The following DNAH3 variants were observed in gnomAD, a reference collection of about 807,000 sequenced individuals.
The protein encoded by DNAH3 is dynein axonemal heavy chain 3.
In DNAH3, 332 loss-of-function variants were observed where a neutral mutation model predicts 432.5. That is an observed-to-expected ratio of 0.77 (90% confidence interval 0.70 to 0.84). The LOEUF is 0.84. Ranked by LOEUF, DNAH3 falls within the 40% of genes least tolerant of loss-of-function variation. The pLI is 0.00. For missense variants in DNAH3, 4,861 were observed against 5,114.0 expected (o/e 0.95, Z 1.51); for synonymous variants, 1,956 against 1,900.2 (o/e 1.03, Z -0.76).
In DNAH3 at chr16:21,015,760, G is replaced by T. The variant is rs1011368250; in HGVS notation, c.6022+3864C>A. The stretch of plus-strand genomic sequence containing the variant: ...TTAAAGGAGAAGAAAGTTAAAATGC[G>T]ATATGATTTTCATATTTCAAATTGC... On this transcript the variant is annotated intron_variant, in intron 41 of 61. Coordinates refer to ENST00000261383, the Ensembl canonical transcript of DNAH3. Among the ~76,000 whole-genome samples the T allele has an allele frequency of 5.3e-5, 8 of 152,156 alleles. 1 individual carries two copies. The highest frequency in any genetic ancestry group is 3.4e-3 in the Middle Eastern group (1 of 294).
intron 36 of DNAH3, among the ~76,000 whole-genome samples, chr16:21,032,229 G>C (rs2088918647): frequency 6.6e-6 from 1 of 152,132 alleles, no homozygotes; most frequent in Non-Finnish European, 1.5e-5. Flanking sequence ...CCTTGGCTTT[G>C]ATTTGAAATG....
At position 20,948,633 on chromosome 16, in the gene DNAH3, T is replaced by C. The variant is rs768159848; in HGVS notation, c.11193A>G (p.Glu3731=). The C allele has an allele frequency of 2.5e-6, 4 of 1,613,574 alleles. No individual in the cohort carries two copies. The Admixed American group carries it at 5.0e-5, about 20-fold the overall frequency. The change falls in exon 57 of 62, where the codon GAA becomes GAG. Residue 3731 remains glutamate (E), a synonymous_variant. Coordinates refer to ENST00000261383, the Ensembl canonical transcript of DNAH3. Reference sequence around the variant, plus strand: ...CAGTCACTCTGCCTCCGTAATTACATTCCCCTGGGGACAACCAACAGAAGG... The same window carrying C: ...CAGTCACTCTGCCTCCGTAATTACACTCCCCTGGGGACAACCAACAGAAGG...
intron 41 of DNAH3, among the ~76,000 whole-genome samples, chr16:21,015,068 T>C (rs2087794267): frequency 1.3e-5 from 2 of 152,220 alleles, no homozygotes; most frequent in Admixed American, 1.3e-4. Flanking sequence ...CATGTCTATG[T>C]GTTTACTAAA....
chr16:21,015,733 T>G (rs1053011531), intron 41 of DNAH3, among the ~76,000 whole-genome samples: 6 of 152,192 alleles, frequency 3.9e-5, no homozygotes, highest in Non-Finnish European at 8.8e-5. Flanking sequence ...TTAAAACTTT[T>G]TTTAAAGGAG....
chr16:21,112,146 C>A, intron 12 of DNAH3, 48 bp from the exon 13 acceptor site: 1 of 1,291,182 alleles, frequency 7.7e-7, no homozygotes. Context: ...ATAAGTCAAC[C>A]AAATCAGATG....
At chr16:21,099,374 T>C (rs886228357) in intron 16 of DNAH3, among the ~76,000 whole-genome samples, 6 of 152,182 alleles carry the variant, frequency 3.9e-5, no homozygotes, top group Admixed American at 2.6e-4. Context: ...TAATAAATGC[T>C]CTGAAGAAAA....
chr16:21,046,002 T>C (rs1317669724), intron 31 of DNAH3, among the ~76,000 whole-genome samples: 3 of 152,080 alleles, frequency 2.0e-5, no homozygotes, highest in Non-Finnish European at 4.4e-5. Flanking sequence ...AGATTCTTAA[T>C]CCTGAGTTCT....
At chr16:20,935,256 A>T in intron 61 of DNAH3, 92 bp downstream of exon 61, 2 of 1,504,456 alleles carry the variant, frequency 1.3e-6, no homozygotes, top group Non-Finnish European at 1.8e-6. Flanking sequence ...TTTGGGTCTT[A>T]ACACATCCAC....
intron 59 of DNAH3, among the ~76,000 whole-genome samples, chr16:20,940,068 G>A (rs188623234): frequency 7.2e-5 from 11 of 152,264 alleles, no homozygotes; most frequent in African/African-American, 1.9e-4. Context: ...TAGGATGAAC[G>A]TCTCCCACCC....
chr16:21,142,886 G>A (rs1244080590), intron 3 of DNAH3, among the ~76,000 whole-genome samples: 2 of 152,044 alleles, frequency 1.3e-5, no homozygotes, highest in Admixed American at 1.3e-4. Flanking sequence ...ACTCCTGGGG[G>A]CAAGCAACCC....
intron 37 of DNAH3, among the ~76,000 whole-genome samples, chr16:21,028,145 C>T (rs1597180118): frequency 6.6e-6 from 1 of 152,242 alleles, no homozygotes; most frequent in South Asian, 2.1e-4. Flanking sequence ...TACCTTCACA[C>T]GTGGCTAGTT....
At chr16:21,079,928 G>A (rs1351966489) in intron 20 of DNAH3, among the ~76,000 whole-genome samples, 5 of 152,242 alleles carry the variant, frequency 3.3e-5, no homozygotes, top group Non-Finnish European at 7.3e-5. Context: ...CTGCTCTGGT[G>A]CAGTATGAGT....
chr16:21,076,911 G>A (rs2090995248), intron 20 of DNAH3, among the ~76,000 whole-genome samples: 1 of 152,002 alleles, frequency 6.6e-6, no homozygotes, highest in Admixed American at 6.6e-5. Context: ...AATTGTCATG[G>A]GGAGCTGTAC....
chr16:21,043,019 G>C (rs1437916431), intron 31 of DNAH3, among the ~76,000 whole-genome samples: 6 of 152,138 alleles, frequency 3.9e-5, no homozygotes, highest in Non-Finnish European at 8.8e-5. Context: ...TTTTATGGCT[G>C]CATAGTATTC....
At chr16:21,085,688 A>G (rs949805913) in intron 19 of DNAH3, among the ~76,000 whole-genome samples, 4 of 152,058 alleles carry the variant, frequency 2.6e-5, no homozygotes, top group African/African-American at 9.7e-5. Context: ...CTCATGTATT[A>G]AGAGAGTCTT....
chr16:21,096,646 G>GTT (rs146619382), intron 18 of DNAH3, among the ~76,000 whole-genome samples: 1 of 151,284 alleles, frequency 6.6e-6, no homozygotes, highest in Non-Finnish European at 1.5e-5. Flanking sequence ...AAGTTGATGG[G>GTT]TTTTTTTTTA....
At chr16:21,141,599 G>A (rs1365481524) in intron 3 of DNAH3, among the ~76,000 whole-genome samples, 2 of 152,196 alleles carry the variant, frequency 1.3e-5, no homozygotes, top group African/African-American at 2.4e-5. Flanking sequence ...TTCCTCAACT[G>A]TAAAGTGGGG....
At chr16:21,021,908 A>G in intron 40 of DNAH3, 63 bp downstream of exon 40, 1 of 1,576,580 alleles carries the variant, frequency 6.3e-7, no homozygotes, top group Admixed American at 1.9e-5. Flanking sequence ...ATCTCAAAAA[A>G]AAAAGAAATA....
chr16:20,948,689 G>A (rs748162118), intron 56 of DNAH3, 52 bp from the exon 57 acceptor site: 33 of 1,595,864 alleles, frequency 2.1e-5, no homozygotes, highest in Non-Finnish European at 2.3e-5. Context: ...GTCATCACGA[G>A]CTTGGTGGTT....
Sources: gnomAD v4.1 joint callset for allele counts (sites outside exome capture counted in the v4.1 genomes callset) on GRCh38, gnomAD v4.1.1 for gene constraint, MANE v1.5 for transcripts, NCBI Gene and HGNC (gene_info 2026-07-23, HGNC 2026-07-21) for gene names.